Variants in TEAD1 observed in about 807,000 individuals in gnomAD.
The protein encoded by TEAD1 is TEA domain transcription factor 1, also known as transcriptional enhancer factor TEF-1.
TEAD1 carries 9 observed loss-of-function variants against 54.9 expected under a neutral mutation model. The ratio of observed to expected loss-of-function variants is 0.16; its 90% confidence interval spans 0.10 to 0.29. The LOEUF is 0.29. Among genes scored for constraint, TEAD1 ranks in the 10% least tolerant of loss-of-function variants. The probability of loss-of-function intolerance (pLI) is 1.00; values close to 1 mark genes in which losing one functional copy is unlikely to be tolerated. For missense variants in TEAD1, 387 were observed against 535.9 expected (o/e 0.72, Z 2.74); for synonymous variants, 200 against 187.8 (o/e 1.07, Z -0.53).
chr11:12,870,328 A>G (rs1269914446), intron 5 of TEAD1, among the ~76,000 whole-genome samples: 1 of 152,206 alleles, frequency 6.6e-6, no homozygotes, highest in Admixed American at 6.5e-5. Flanking sequence ...GAGGAGAGAT[A>G]CGAGGTTCAG....
In TEAD1 at chr11:12,943,733, T is replaced by C. The variant is rs1365662319; in HGVS notation, c.*6511T>C. On this transcript the variant is annotated 3_prime_UTR_variant, in exon 13 of 13. Coordinates refer to ENST00000527636, the MANE Select transcript of TEAD1 (RefSeq NM_021961.6). The stretch of plus-strand genomic sequence containing the variant: ...GCTGACAGATCTAGGTGTCAATCAA[T>C]TGGAAACCAGTCTCTGATTTTTTTT... 6.6e-6 allele frequency: 1 copy of C among 152,132 alleles called. No homozygotes were observed. The highest frequency in any genetic ancestry group is 2.4e-5 in the African/African-American group (1 of 41,434). The allele number at this position is 152,132 out of a possible 1,614,324, so 9.4% of individuals were successfully genotyped here.
chr11:12,785,090 C>T (rs968352061), intron 3 of TEAD1, among the ~76,000 whole-genome samples: 1 of 152,194 alleles, frequency 6.6e-6, no homozygotes, highest in Non-Finnish European at 1.5e-5. Flanking sequence ...AGTCATTTGA[C>T]ACCCTAATGT....
At chr11:12,848,377 A>G (rs994056201) in intron 3 of TEAD1, among the ~76,000 whole-genome samples, 6 of 152,144 alleles carry the variant, frequency 3.9e-5, no homozygotes, top group Non-Finnish European at 8.8e-5. Flanking sequence ...AAATTAGAGA[A>G]CTTTAAAGTG....
chr11:12,768,724 G>C (rs1227971477), intron 3 of TEAD1, among the ~76,000 whole-genome samples: 2 of 152,190 alleles, frequency 1.3e-5, no homozygotes, highest in Non-Finnish European at 2.9e-5. Context: ...TGTGCTAGGG[G>C]TTGTCAGGGA....
At chr11:12,847,302 A>C (rs970040419) in intron 3 of TEAD1, among the ~76,000 whole-genome samples, 1 of 152,172 alleles carries the variant, frequency 6.6e-6, no homozygotes, top group African/African-American at 2.4e-5. Flanking sequence ...GCCTTCACAA[A>C]GCTCACAATC....
intron 3 of TEAD1, among the ~76,000 whole-genome samples, chr11:12,803,977 G>A (rs764572533): frequency 6.6e-6 from 1 of 152,208 alleles, no homozygotes; most frequent in Non-Finnish European, 1.5e-5. Context: ...CTTTTGCTAA[G>A]GAGGTTAGTT....
At chr11:12,929,163 CGTGTGTGTGTGTGT>C (rs60060462) in intron 11 of TEAD1, among the ~76,000 whole-genome samples, 16 of 106,814 alleles carry the variant, frequency 1.5e-4, no homozygotes, top group African/African-American at 4.3e-4. Context: ...TTTGCTTTGC[CGTGTGTGTGTGTGT>C]GTGTGTGTGT....
intron 10 of TEAD1, among the ~76,000 whole-genome samples, chr11:12,924,562 T>C (rs1948874282): frequency 1.3e-5 from 2 of 152,168 alleles, no homozygotes; most frequent in Admixed American, 1.3e-4. Context: ...TTAAAAAATA[T>C]CTCTAAAGAT....
chr11:12,921,744 G>A (rs1948811015), intron 10 of TEAD1, among the ~76,000 whole-genome samples: 1 of 152,104 alleles, frequency 6.6e-6, no homozygotes, highest in Non-Finnish European at 1.5e-5. Flanking sequence ...GAGCCCCTGT[G>A]TGCCTGAGGT....
At chr11:12,718,822 T>C (rs949063317) in intron 2 of TEAD1, among the ~76,000 whole-genome samples, 1 of 152,064 alleles carries the variant, frequency 6.6e-6, no homozygotes, top group African/African-American at 2.4e-5. Context: ...AAAGGAAAAA[T>C]TTCATCAAAT....
chr11:12,926,591 T>G (rs967955280), intron 11 of TEAD1, among the ~76,000 whole-genome samples: 2 of 152,104 alleles, frequency 1.3e-5, no homozygotes, highest in African/African-American at 4.8e-5. Context: ...GACTAGAACT[T>G]GGATGACAGG....
chr11:12,675,914 T>C (rs1943075714), intron 2 of TEAD1, among the ~76,000 whole-genome samples: 1 of 152,206 alleles, frequency 6.6e-6, no homozygotes, highest in Non-Finnish European at 1.5e-5. Flanking sequence ...TAAAAATATT[T>C]ATGAAACAAT....
chr11:12,753,989 T>C (rs1944934520), intron 2 of TEAD1, among the ~76,000 whole-genome samples: 1 of 152,192 alleles, frequency 6.6e-6, no homozygotes, highest in Non-Finnish European at 1.5e-5. Context: ...GGAAAAAAAT[T>C]TCTTTACTCA....
intron 10 of TEAD1, among the ~76,000 whole-genome samples, chr11:12,910,918 T>C (rs1319416400): frequency 6.6e-6 from 1 of 152,106 alleles, no homozygotes; most frequent in African/African-American, 2.4e-5. Context: ...AGCTAATTTT[T>C]GTATTTTTGG....
At position 12,939,633 on chromosome 11, in the gene TEAD1, C is replaced by CA. The variant is rs1172089472; in HGVS notation, c.*2412dup. The CA allele has an allele frequency of 1.3e-5, 2 of 152,306 alleles. No homozygotes were observed. Among genetic ancestry groups the CA allele is most frequent in the African/African-American group, 4.8e-5 (2 of 41,466 alleles). 9.4% of individuals were successfully genotyped at this position (152,306 alleles called of 1,614,324 possible). ...CAGCTGGGCCCCCCTGGTGCTTCAC[C>CA]ACCTGCATCCTCTTGCTCAGAATGC... On this transcript the variant is annotated 3_prime_UTR_variant, in exon 13 of 13. Coordinates refer to ENST00000527636, the MANE Select transcript of TEAD1 (RefSeq NM_021961.6).
At position 12,760,754 on chromosome 11, in the gene TEAD1, G is replaced by T. The variant is rs148184025; in HGVS notation, c.-54-3425G>T. On this transcript the variant is annotated intron_variant, in intron 2 of 12. Coordinates refer to ENST00000527636, the MANE Select transcript of TEAD1 (RefSeq NM_021961.6). ...AGCGTGGTTGATACTCTCAGAGCCT[G>T]TAGATACAAGGCCAGTTTCCAGGAT... Among the ~76,000 whole-genome samples, 653 of 152,308 alleles carry T rather than the reference G, an allele frequency of 4.3e-3. 8 individuals carry two copies. The highest frequency in any genetic ancestry group is 0.015 in the African/African-American group (627 of 41,560).
chr11:12,861,116 A>G (rs754815697), intron 3 of TEAD1, among the ~76,000 whole-genome samples: 4 of 152,246 alleles, frequency 2.6e-5, no homozygotes, highest in Non-Finnish European at 5.9e-5. Context: ...TGTAGAAATA[A>G]TTTCAGTTCC....
intron 2 of TEAD1, among the ~76,000 whole-genome samples, chr11:12,677,790 G>A (rs938474426): frequency 6.6e-6 from 1 of 152,162 alleles, no homozygotes; most frequent in African/African-American, 2.4e-5. Flanking sequence ...ATATTTTAAG[G>A]TTGGTTGCTT....
intron 4 of TEAD1, among the ~76,000 whole-genome samples, chr11:12,862,979 G>T (rs1251744537): frequency 6.6e-6 from 1 of 151,530 alleles, no homozygotes; most frequent in East Asian, 1.9e-4. Flanking sequence ...TTTAGAACTG[G>T]AACGAATGAG....
Sources: allele counts gnomAD v4.1 joint callset (sites outside exome capture counted in the v4.1 genomes callset), GRCh38; gene constraint gnomAD v4.1.1; transcripts MANE v1.5; gene names NCBI Gene and HGNC (gene_info 2026-07-23, HGNC 2026-07-21).